Variants in PACRG observed in about 807,000 individuals in gnomAD.
PACRG encodes parkin coregulated gene protein.
Under a neutral mutation model 29.7 loss-of-function variants are expected in PACRG, and 29 were observed. The ratio of observed to expected loss-of-function variants is 0.98; its 90% CI spans 0.73 to 1.33. The LOEUF (loss-of-function observed/expected upper bound fraction) is 1.33. Ranked by LOEUF, PACRG falls within the 40% of genes most tolerant of loss-of-function variation. PACRG has a pLI of 0.00. For missense variants in PACRG, 279 were observed against 316.2 expected (o/e 0.88, Z 0.89); for synonymous variants, 116 against 118.7 (o/e 0.98, Z 0.15).
At chr6:162,992,491 G>T (rs1026978394) in intron 2 of PACRG, among the ~76,000 whole-genome samples, 7 of 148,116 alleles carry the variant, frequency 4.7e-5, no homozygotes, top group Admixed American at 1.3e-4. Context: ...GTCGAGGAAT[G>T]TATCCATTTC....
intron 2 of PACRG, among the ~76,000 whole-genome samples, chr6:163,016,434 AT>A (rs374687175): frequency 0.029 from 4,195 of 144,870 alleles, 144 homozygotes; most frequent in African/African-American, 0.088. Context: ...CAGAGTCAAG[AT>A]TTTTTTTTTT....
chr6:162,884,796 C>A lies in PACRG; in HGVS notation c.291+70515C>A, dbSNP rs1314416573. Among the ~76,000 whole-genome samples, 4 of 152,052 alleles carry A rather than the reference C, an allele frequency of 2.6e-5. No homozygotes were observed. In the East Asian group the frequency reaches 7.7e-4, roughly 29 times the overall value. On this transcript the variant is annotated intron_variant, in intron 2 of 4. Coordinates refer to ENST00000366888, the MANE Select transcript of PACRG (RefSeq NM_001080379.2). The stretch of plus-strand genomic sequence containing the variant: ...ATTTATGTGTATTTTCCCAGCTCCC[C>A]AATGATAAACCTAAAAACCTCTAAA...
At chr6:162,812,344 G>T (rs1786944245) in intron 1 of PACRG, among the ~76,000 whole-genome samples, 1 of 152,036 alleles carries the variant, frequency 6.6e-6, no homozygotes, top group Non-Finnish European at 1.5e-5. Flanking sequence ...GGCTTTTGCT[G>T]ACCAGTAATC....
At chr6:163,053,596 C>T (rs1392544268) in intron 2 of PACRG, among the ~76,000 whole-genome samples, 3 of 152,154 alleles carry the variant, frequency 2.0e-5, no homozygotes, top group South Asian at 2.1e-4. Flanking sequence ...CACAAGCACC[C>T]GGAAGCCTAT....
At chr6:163,016,418 C>T (rs980164513) in intron 2 of PACRG, among the ~76,000 whole-genome samples, 7 of 151,640 alleles carry the variant, frequency 4.6e-5, no homozygotes, top group Non-Finnish European at 7.4e-5. Context: ...AGGAAAGGAA[C>T]AATTCCAGAG....
intron 2 of PACRG, among the ~76,000 whole-genome samples, chr6:162,852,020 G>GAAGGAAGGAAGGAAGGAAGGA (rs1790947362): frequency 2.2e-5 from 3 of 136,378 alleles, no homozygotes; most frequent in African/African-American, 6.3e-5. Context: ...AGGAAGGAAG[G>GAAGGAAGGAAGGAAGGAAGGA]AAGGAAGGAA....
intron 4 of PACRG, among the ~76,000 whole-genome samples, chr6:163,219,272 A>C (rs1444953877): frequency 6.6e-6 from 1 of 152,168 alleles, no homozygotes; most frequent in Non-Finnish European, 1.5e-5. Context: ...AAGCCCTAAA[A>C]GTCAATCTTT....
chr6:162,930,226 A>G (rs1797749220), intron 2 of PACRG, among the ~76,000 whole-genome samples: 1 of 151,924 alleles, frequency 6.6e-6, no homozygotes, highest in Non-Finnish European at 1.5e-5. Context: ...ATCCATGAGC[A>G]TGGAGTATCT....
At chr6:163,306,801 A>T (rs752106191) in intron 4 of PACRG, among the ~76,000 whole-genome samples, 8 of 152,260 alleles carry the variant, frequency 5.3e-5, no homozygotes, top group Non-Finnish European at 8.8e-5. Flanking sequence ...ACAGGCATCC[A>T]TTGAATAACT....
At chr6:163,191,869 G>T (rs923236601) in intron 4 of PACRG, 10 of 420,210 alleles carry the variant, frequency 2.4e-5, no homozygotes, top group African/African-American at 1.8e-4. Flanking sequence ...CACCCCGCCT[G>T]GTGTCTCACA....
intron 2 of PACRG, among the ~76,000 whole-genome samples, chr6:162,981,453 G>A (rs1802428310): frequency 6.6e-6 from 1 of 151,824 alleles, no homozygotes. Flanking sequence ...AATATAGTTT[G>A]AAGTCAGGTA....
chr6:163,314,714 C>A, intron 4 of PACRG, 113 bp from the exon 5 acceptor site: 2 of 1,186,636 alleles, frequency 1.7e-6, no homozygotes, highest in Non-Finnish European at 2.3e-6. Flanking sequence ...GTGTAAAAAT[C>A]TTGCATGTTT....
At chr6:162,905,952 A>C (rs781297003) in intron 2 of PACRG, among the ~76,000 whole-genome samples, 1 of 152,214 alleles carries the variant, frequency 6.6e-6, no homozygotes, top group Non-Finnish European at 1.5e-5. Context: ...CTATAGGAAG[A>C]AAATGCAGCA....
chr6:163,042,155 C>A (rs746562280), intron 2 of PACRG, among the ~76,000 whole-genome samples: 6 of 152,260 alleles, frequency 3.9e-5, no homozygotes, highest in Admixed American at 1.3e-4. Flanking sequence ...TTGAGCCATG[C>A]GCCTGGCCAC....
intron 2 of PACRG, among the ~76,000 whole-genome samples, chr6:162,835,998 A>C (rs1789190122): frequency 6.6e-6 from 1 of 151,956 alleles, no homozygotes; most frequent in Admixed American, 6.6e-5. Flanking sequence ...TCCGTCCCAC[A>C]TCCTGTTCTG....
intron 2 of PACRG, among the ~76,000 whole-genome samples, chr6:162,884,093 G>T (rs1027784595): frequency 6.6e-6 from 1 of 151,898 alleles, no homozygotes; most frequent in Admixed American, 6.6e-5. Flanking sequence ...TGAGACTACG[G>T]GCCTGCCACC....
At chr6:162,772,427 A>C (rs1436558897) in intron 1 of PACRG, among the ~76,000 whole-genome samples, 1 of 152,234 alleles carries the variant, frequency 6.6e-6, no homozygotes, top group African/African-American at 2.4e-5. Context: ...AAAGCAAACA[A>C]AAGTTTTAAA....
At chr6:163,001,721 G>A (rs1164692348) in intron 2 of PACRG, among the ~76,000 whole-genome samples, 1 of 151,934 alleles carries the variant, frequency 6.6e-6, no homozygotes, top group Non-Finnish European at 1.5e-5. Flanking sequence ...CTTGTTTGTG[G>A]GTTTTGGGGC....
chr6:163,194,718 G>A (rs377230883), intron 4 of PACRG, among the ~76,000 whole-genome samples: 1 of 152,330 alleles, frequency 6.6e-6, no homozygotes, highest in Non-Finnish European at 1.5e-5. Context: ...AGGCATCAAT[G>A]TGCAAGTATT....
Sources: allele counts gnomAD v4.1 joint callset (sites outside exome capture counted in the v4.1 genomes callset), GRCh38; gene constraint gnomAD v4.1.1; transcripts MANE v1.5; gene names NCBI Gene and HGNC (gene_info 2026-07-23, HGNC 2026-07-21).